FMO1: variants seen among roughly 807,000 people sequenced by gnomAD.
FMO1 encodes the protein flavin containing dimethylaniline monoxygenase 1, also known as flavin-containing monooxygenase 1.
A neutral mutation model predicts 45.4 loss-of-function variants in FMO1; 36 were observed. That is an observed-to-expected ratio of 0.79 (90% CI 0.61 to 1.05). FMO1 has a LOEUF of 1.05. Ranked by LOEUF, FMO1 falls within the 50% of genes least tolerant of loss-of-function variation. The pLI is 0.00. For synonymous variants in FMO1, 228 were observed against 227.2 expected (o/e 1.00, Z -0.03); for missense variants, 615 against 640.3 (o/e 0.96, Z 0.43).
intron 2 of FMO1, among the ~76,000 whole-genome samples, chr1:171,267,216 AT>A (rs1660652966): frequency 6.6e-6 from 1 of 152,190 alleles, no homozygotes; most frequent in African/African-American, 2.4e-5. Context: ...TCTTTCCAAA[AT>A]TTAGAAGTGA....
chr1:171,253,794 G>A (rs1660014308), intron 1 of FMO1: 1 of 152,234 alleles, frequency 6.6e-6, no homozygotes, highest in African/African-American at 2.4e-5. Flanking sequence ...AAAAGCCCCA[G>A]GGAGATTTAC....
chr1:171,271,493 T>C, intron 3 of FMO1: 1 of 927,246 alleles, frequency 1.1e-6, no homozygotes, highest in Non-Finnish European at 1.8e-6. Context: ...CTGAAGCATC[T>C]GGGTGCTGCT....
At chr1:171,272,101 G>A (rs1292774246) in intron 3 of FMO1, among the ~76,000 whole-genome samples, 4 of 152,224 alleles carry the variant, frequency 2.6e-5, no homozygotes, top group Non-Finnish European at 5.9e-5. Flanking sequence ...TGCAGCCAAG[G>A]GACTTGGTGC....
At chr1:171,278,236 A>T (rs1329824346) in intron 4 of FMO1, among the ~76,000 whole-genome samples, 1 of 152,186 alleles carries the variant, frequency 6.6e-6, no homozygotes, top group African/African-American at 2.4e-5. Flanking sequence ...GAATAGGGAC[A>T]ACATTTTATT....
intron 5 of FMO1, among the ~76,000 whole-genome samples, chr1:171,280,430 C>T (rs750836739): frequency 6.6e-6 from 1 of 152,186 alleles, no homozygotes; most frequent in Non-Finnish European, 1.5e-5. Flanking sequence ...TCTGATACTG[C>T]CATTCCCTGT....
chr1:171,279,908 CT>C (rs569493784), intron 5 of FMO1, among the ~76,000 whole-genome samples: 67 of 152,254 alleles, frequency 4.4e-4, no homozygotes, highest in African/African-American at 1.5e-3. Flanking sequence ...CACGCTACCC[CT>C]CTCTCTTCTT....
chr1:171,265,042 G>C (rs1464281035), intron 2 of FMO1, among the ~76,000 whole-genome samples: 3 of 152,168 alleles, frequency 2.0e-5, no homozygotes, highest in Non-Finnish European at 2.9e-5. Context: ...TTCTCAAACA[G>C]TGAAGAACAA....
intron 5 of FMO1, among the ~76,000 whole-genome samples, chr1:171,280,583 C>T (rs1336824138): frequency 1.3e-5 from 2 of 152,164 alleles, no homozygotes; most frequent in Admixed American, 6.5e-5. Context: ...CATTTTAATA[C>T]TCTAGATGCT....
chr1:171,271,398 G>A, intron 3 of FMO1: 1 of 1,097,126 alleles, frequency 9.1e-7, no homozygotes, highest in Non-Finnish European at 1.4e-6. Context: ...TGTCACCTTT[G>A]CCATATCTTC....
At chr1:171,255,948 C>A (rs910189438) in intron 1 of FMO1, among the ~76,000 whole-genome samples, 2 of 152,190 alleles carry the variant, frequency 1.3e-5, no homozygotes, top group East Asian at 3.9e-4. Flanking sequence ...AGTGGATATT[C>A]TTTATCAAAT....
At chr1:171,258,041 G>C in intron 1 of FMO1, 41 bp from the exon 2 acceptor site, 1 of 1,612,300 alleles carries the variant, frequency 6.2e-7, no homozygotes, top group South Asian at 1.1e-5. Context: ...GGGTGGGGTG[G>C]AGCTTGTGAA....
At chr1:171,263,760 C>A (rs568096660) in intron 2 of FMO1, among the ~76,000 whole-genome samples, 100 of 152,268 alleles carry the variant, frequency 6.6e-4, no homozygotes, top group Middle Eastern at 3.4e-3. Context: ...GTGGACCCCC[C>A]ACCAGGTACA....
chr1:171,270,724 C>A, intron 3 of FMO1: 7 of 1,113,460 alleles, frequency 6.3e-6, no homozygotes, highest in Non-Finnish European at 7.7e-6. Context: ...CAATTTACAA[C>A]CCGCATACTG....
chr1:171,264,512 A>G (rs1359662077), intron 2 of FMO1, among the ~76,000 whole-genome samples: 1 of 152,066 alleles, frequency 6.6e-6, no homozygotes, highest in Non-Finnish European at 1.5e-5. Context: ...TGTGGCATCT[A>G]TACATCCTAT....
chr1:171,271,412 T>A (rs1660858839), intron 3 of FMO1: 1 of 1,068,880 alleles, frequency 9.4e-7, no homozygotes, highest in African/African-American at 1.6e-5. Flanking sequence ...TATCTTCAAA[T>A]TGTCCTTTCT....
intron 3 of FMO1, chr1:171,271,196 T>A (rs750178955): frequency 3.5e-6 from 3 of 864,642 alleles, no homozygotes; most frequent in Non-Finnish European, 5.9e-6. Flanking sequence ...TTATTCCACA[T>A]CTCTCCCAGT....
chr1:171,271,985 T>G (rs780348974), intron 3 of FMO1, among the ~76,000 whole-genome samples: 4 of 152,228 alleles, frequency 2.6e-5, no homozygotes, highest in Non-Finnish European at 5.9e-5. Context: ...GGAAAATGTC[T>G]CCAGGGCATG....
At chr1:171,263,077 C>G (rs1281230690) in intron 2 of FMO1, among the ~76,000 whole-genome samples, 2 of 152,128 alleles carry the variant, frequency 1.3e-5, no homozygotes, top group African/African-American at 4.8e-5. Flanking sequence ...AAGAAAAGAA[C>G]TGACCTGACA....
intron 1 of FMO1, among the ~76,000 whole-genome samples, chr1:171,256,011 C>T (rs993862842): frequency 1.3e-5 from 2 of 152,148 alleles, no homozygotes; most frequent in African/African-American, 4.8e-5. Context: ...CAGTGGCTCA[C>T]GCCTGTAATC....
Sources: allele counts gnomAD v4.1 joint callset (sites outside exome capture counted in the v4.1 genomes callset), GRCh38; gene constraint gnomAD v4.1.1; transcripts MANE v1.5; gene names NCBI Gene and HGNC (gene_info 2026-07-23, HGNC 2026-07-21).